OCA2: variants seen among roughly 807,000 people sequenced by gnomAD.
The protein encoded by OCA2 is OCA2 melanosomal transmembrane protein.
A neutral mutation model predicts 100.2 loss-of-function variants in OCA2; 77 were observed. The observed-to-expected ratio is 0.77, with a 90% CI of 0.64 to 0.93. The LOEUF is 0.93. Ranked by LOEUF, OCA2 falls within the 40% of genes least tolerant of loss-of-function variation. The probability of loss-of-function intolerance (pLI) is 0.00; values close to 1 mark genes in which losing one functional copy is unlikely to be tolerated. For missense variants in OCA2, 1,062 were observed against 1,089.1 expected (o/e 0.98, Z 0.35); for synonymous variants, 432 against 439.2 (o/e 0.98, Z 0.21).
chr15:27,794,019 G>T (rs1346861495), intron 23 of OCA2, among the ~76,000 whole-genome samples: 1 of 152,162 alleles, frequency 6.6e-6, no homozygotes, highest in Non-Finnish European at 1.5e-5. Flanking sequence ...GGTTCTGCAG[G>T]CTTCCTACAG....
At chr15:27,826,930 T>C (rs1418824579) in intron 23 of OCA2, among the ~76,000 whole-genome samples, 2 of 152,250 alleles carry the variant, frequency 1.3e-5, no homozygotes, top group African/African-American at 4.8e-5. Context: ...CTTAACATCC[T>C]ACAGGAGAAC....
At chr15:27,867,616 A>G (rs2036376337) in intron 21 of OCA2, among the ~76,000 whole-genome samples, 1 of 152,210 alleles carries the variant, frequency 6.6e-6, no homozygotes, top group Admixed American at 6.5e-5. Context: ...TTAACACCTA[A>G]TATGATCACA....
At chr15:27,728,749 C>G in the OCA2 span, among the ~76,000 whole-genome samples, 1 of 152,214 alleles carries the variant, frequency 6.6e-6, no homozygotes, top group African/African-American at 2.4e-5. Context: ...GAGTCCCTTT[C>G]TTTACCCCGT....
At chr15:27,989,535 G>A (rs2041475973) in intron 11 of OCA2, 66 bp downstream of exon 11, 5 of 1,310,368 alleles carry the variant, frequency 3.8e-6, no homozygotes, top group Middle Eastern at 2.0e-4. Flanking sequence ...CCTCAGCGGT[G>A]GAGGCCAGAG....
chr15:27,735,726 A>G, the OCA2 span, among the ~76,000 whole-genome samples: 65,914 of 151,188 alleles, frequency 0.44, 15,721 homozygotes, highest in Non-Finnish European at 0.53. Context: ...TACTGAAGGA[A>G]AAAAACAAAA....
chr15:27,841,179 A>G (rs1320791987), intron 23 of OCA2, among the ~76,000 whole-genome samples: 1 of 152,254 alleles, frequency 6.6e-6, no homozygotes. Context: ...TTGCTAGACA[A>G]TGATGCCGAG....
At chr15:27,750,605 G>A (rs2030035065), downstream of OCA2, among the ~76,000 whole-genome samples, 1 of 152,212 alleles carries the variant, frequency 6.6e-6, no homozygotes, top group South Asian at 2.1e-4. Flanking sequence ...TGTTGCAGGG[G>A]CCACCAGTGT....
At chr15:27,731,451 T>G in the OCA2 span, among the ~76,000 whole-genome samples, 78,167 of 152,044 alleles carry the variant, frequency 0.51, 20,928 homozygotes, top group Non-Finnish European at 0.55. Context: ...TTTGTGGCAG[T>G]TGTAGAGATT....
At chr15:27,835,463 C>T (rs960686466) in intron 23 of OCA2, among the ~76,000 whole-genome samples, 3 of 152,230 alleles carry the variant, frequency 2.0e-5, no homozygotes, top group African/African-American at 7.2e-5. Context: ...GAGCAGCCTC[C>T]AGATGATTCT....
intron 19 of OCA2, among the ~76,000 whole-genome samples, chr15:27,901,606 G>A (rs1354274465): frequency 6.6e-6 from 1 of 152,130 alleles, no homozygotes; most frequent in East Asian, 1.9e-4. Flanking sequence ...TCGCAAGGAG[G>A]GTGGAAAATA....
intron 7 of OCA2, 82 bp from the exon 8 acceptor site, chr15:28,016,268 T>C: frequency 9.3e-7 from 1 of 1,077,990 alleles, no homozygotes; most frequent in Admixed American, 1.7e-5. Context: ...GGTCTAGGTA[T>C]TTGTTTCAAA....
intron 10 of OCA2, 116 bp downstream of exon 10, chr15:27,990,460 A>C: frequency 1.9e-6 from 2 of 1,030,662 alleles, no homozygotes; most frequent in Non-Finnish European, 3.1e-6. Context: ...TTGGGCAAAA[A>C]CATGGACGTG....
the OCA2 span, among the ~76,000 whole-genome samples, chr15:27,737,317 T>C: frequency 6.6e-6 from 1 of 152,192 alleles, no homozygotes; most frequent in Non-Finnish European, 1.5e-5. Context: ...TCAAAATATA[T>C]TTATTTATGA....
chr15:28,065,851 A>C (rs192624593), intron 2 of OCA2, among the ~76,000 whole-genome samples: 12 of 152,252 alleles, frequency 7.9e-5, no homozygotes, highest in Admixed American at 7.8e-4. Flanking sequence ...TATTAAATTT[A>C]ATCCTAAAAA....
At chr15:28,051,595 C>CTTTTTT (rs11292828) in intron 2 of OCA2, among the ~76,000 whole-genome samples, 2 of 82,492 alleles carry the variant, frequency 2.4e-5, no homozygotes, top group African/African-American at 7.4e-5. Flanking sequence ...CCTGGCCTTC[C>CTTTTTT]TTTTTTTTTT....
chr15:27,926,377 G>GCATTT, intron 18 of OCA2, 123 bp from the exon 19 acceptor site: 9 of 1,007,650 alleles, frequency 8.9e-6, no homozygotes, highest in African/African-American at 1.6e-5. Context: ...CCGCATATAT[G>GCATTT]TAAAATGCAT....
At chr15:27,948,184 A>G (rs1343082827) in intron 18 of OCA2, among the ~76,000 whole-genome samples, 3 of 152,188 alleles carry the variant, frequency 2.0e-5, no homozygotes, top group Admixed American at 6.5e-5. Flanking sequence ...TAAGGTTTGC[A>G]TAAGGTGCTG....
intron 21 of OCA2, among the ~76,000 whole-genome samples, chr15:27,860,587 T>A (rs2036094920): frequency 1.3e-5 from 2 of 152,244 alleles, no homozygotes; most frequent in Non-Finnish European, 2.9e-5. Flanking sequence ...TCGATTAGGA[T>A]AATAACCACC....
At chr15:27,842,751 G>A (rs1349036706) in intron 23 of OCA2, among the ~76,000 whole-genome samples, 1 of 152,206 alleles carries the variant, frequency 6.6e-6, no homozygotes, top group African/African-American at 2.4e-5. Flanking sequence ...GGAGACAACT[G>A]GCAGTCTTGC....
Sources: allele counts gnomAD v4.1 joint callset (sites outside exome capture counted in the v4.1 genomes callset), GRCh38; gene constraint gnomAD v4.1.1; transcripts MANE v1.5; gene names NCBI Gene and HGNC (gene_info 2026-07-23, HGNC 2026-07-21).